The following SOX13 variants were observed in gnomAD, a reference collection of about 807,000 sequenced individuals.
SOX13 encodes the protein transcription factor SOX-13.
A neutral mutation model predicts 71.8 loss-of-function variants in SOX13; 28 were observed. That is an observed-to-expected ratio of 0.39 (90% CI 0.29 to 0.53). SOX13 has a LOEUF of 0.53. Among genes scored for constraint, SOX13 ranks in the 20% least tolerant of loss-of-function variants. The pLI, the probability that SOX13 is intolerant of heterozygous loss-of-function variation, is 0.70. For synonymous variants in SOX13, 309 were observed against 317.8 expected (o/e 0.97, Z 0.29); for missense variants, 627 against 810.3 (o/e 0.77, Z 2.75).
At chr1:204,102,213 G>A (rs1308195703) in intron 1 of SOX13, among the ~76,000 whole-genome samples, 1 of 152,210 alleles carries the variant, frequency 6.6e-6, no homozygotes, top group East Asian at 1.9e-4. Context: ...GCAAAGGTGA[G>A]ATTTCATCAG....
chr1:204,116,765 C>T, intron 5 of SOX13, 86 bp downstream of exon 5: 4 of 1,563,920 alleles, frequency 2.6e-6, no homozygotes, highest in Non-Finnish European at 3.5e-6. Flanking sequence ...GGACAGGCCT[C>T]ACCAGTGCAA....
rs974353776 is a variant in SOX13 at position 204,123,779 on chromosome 1, C to T, written c.1350C>T (p.His450=). ...TCCTGCAAGCCTTCCCAGACATGCA[C>T]AACTCCAGCATCAGCAAGATCCTTG... ...RKILQAFPDM[H]NSSISKILGS... Residue 450 remains histidine, a synonymous_variant, in exon 12 of 14, where the codon CAC becomes CAT. Coordinates refer to ENST00000367204, the MANE Select transcript of SOX13 (RefSeq NM_005686.3). This position sits in a 1 kb window ranked among gnomAD's most constrained non-coding sequence, Gnocchi z 5.0. 13 of 1,614,080 alleles carry T rather than the reference C, an allele frequency of 8.1e-6. No homozygotes were observed. The African/African-American group carries it at 1.2e-4, about 15-fold the overall frequency.
chr1:204,092,902 G>A (rs1330642148), intron 1 of SOX13, among the ~76,000 whole-genome samples: 2 of 34,096 alleles, frequency 5.9e-5, no homozygotes, highest in Non-Finnish European at 9.8e-5. Context: ...CTGTGTTTCC[G>A]CTTCCTAACT....
rs370897434 is a variant in SOX13 at position 204,124,701 on chromosome 1, G to A, written c.1436G>A (p.Arg479Gln). The stretch of plus-strand genomic sequence containing the variant: ...CAGCCCTACTATGAGGAACAGGCGC[G>A]GCTGAGCCGGCAGCACCTGGAGAAG... ...EKQPYYEEQA[R>Q]LSRQHLEKYP... The change falls in exon 13 of 14, where the codon CGG (arginine) becomes CAG (glutamine). Residue 479 changes from arginine (R) to glutamine (Q), a missense_variant. By Grantham distance (43) the Arg-to-Gln change is conservative. Transcript: ENST00000367204. 6.8e-6 allele frequency: 11 copies of A among 1,613,274 alleles called. 1 individual carries two copies. The highest frequency in any genetic ancestry group is 1.3e-5 in the African/African-American group (1 of 74,916).
rs553508682 is a variant in SOX13, at chr1:204,111,063, G to A, written c.-1-1852G>A. Among the ~76,000 whole-genome samples the A allele has an allele frequency of 2.6e-4, 39 of 152,276 alleles. 2 individuals are homozygous for A. In the South Asian group the frequency reaches 7.3e-3, roughly 28 times the overall value. ...TTTGCCTCTCAAACAAGCCCCCAAG[G>A]CATGCTGAAGCTGCTGGTCCTTATA... On this transcript the variant is annotated intron_variant, in intron 1 of 13. Coordinates refer to ENST00000367204, the MANE Select transcript of SOX13 (RefSeq NM_005686.3).
chr1:204,116,655 G>A lies in SOX13; in HGVS notation c.567G>A (p.Glu189=), dbSNP rs371235736. ...MLFEKQQQQM[E]LARQQQEQIA... ...TTGAGAAGCAGCAGCAGCAGATGGA[G>A]CTTGCCCGGCAGCAGCAGGAGCAGG... is the stretch of plus-strand genomic sequence containing the variant. Residue 189 remains glutamate (E), a synonymous_variant, in exon 5 of 14, where the codon GAG becomes GAA. Transcript: ENST00000367204. 734 of 1,613,674 alleles carry A rather than the reference G, an allele frequency of 4.5e-4. No individual in the cohort carries two copies. Among genetic ancestry groups the A allele is most frequent in the Non-Finnish European group, 6.1e-4 (715 of 1,179,806 alleles).
intron 7 of SOX13, chr1:204,119,904 G>A (rs1656768269): frequency 6.6e-6 from 1 of 152,332 alleles, no homozygotes; most frequent in Non-Finnish European, 1.5e-5. Context: ...TACTTGGGAG[G>A]CTGAGGCAGG....
chr1:204,113,156 C>T, intron 2 of SOX13, 22 bp downstream of exon 2: 2 of 1,508,148 alleles, frequency 1.3e-6, no homozygotes. Context: ...CGCCCTGCCT[C>T]CATCCTCACA....
At chr1:204,122,559 C>G (rs1656831295) in intron 9 of SOX13, 160 bp downstream of exon 9, 2 of 630,774 alleles carry the variant, frequency 3.2e-6, no homozygotes, top group African/African-American at 3.7e-5. Context: ...CTTCCTCTCC[C>G]TCATCATATC....
rs1234253825 is a variant in SOX13, at chr1:204,126,078, G to A, written c.1813G>A (p.Glu605Lys). 4 of 1,613,874 alleles carry A rather than the reference G, an allele frequency of 2.5e-6. No individual in the cohort carries two copies. The highest frequency in any genetic ancestry group is 1.3e-5 in the African/African-American group (1 of 74,922). Residue 605 changes from glutamate (E) to lysine (K), a missense_variant, in exon 14 of 14, where the codon GAG (glutamate) becomes AAG (lysine). By Grantham distance (56) the Glu-to-Lys change is moderately conservative. Coordinates refer to ENST00000367204, the MANE Select transcript of SOX13 (RefSeq NM_005686.3). ...CGAGATGTACCGGTACAGCGAGGAC[G>A]AGGACTCGGAGGGCGAAGAGAAGAG... Reference protein sequence around the residue: ...DGEMYRYSEDEDSEGEEKSDG... With the variant: ...DGEMYRYSEDKDSEGEEKSDG...
intron 1 of SOX13, among the ~76,000 whole-genome samples, chr1:204,090,622 G>A (rs545612439): frequency 6.6e-5 from 10 of 152,060 alleles, no homozygotes; most frequent in African/African-American, 1.9e-4. Context: ...TGTTGGCCAG[G>A]CTGGTCTTGA....
chr1:204,089,404 C>T (rs959313413), intron 1 of SOX13, among the ~76,000 whole-genome samples: 4 of 152,142 alleles, frequency 2.6e-5, no homozygotes, highest in East Asian at 1.9e-4. Flanking sequence ...CTCTCATGCC[C>T]GCCGGCCTCA....
intron 1 of SOX13, among the ~76,000 whole-genome samples, chr1:204,091,676 A>C (rs1393612458): frequency 6.6e-6 from 1 of 152,020 alleles, no homozygotes; most frequent in Non-Finnish European, 1.5e-5. Flanking sequence ...TCTGCTTCTG[A>C]GCCCTGTGAT....
chr1:204,102,054 C>T (rs1455367111), intron 1 of SOX13, among the ~76,000 whole-genome samples: 2 of 152,182 alleles, frequency 1.3e-5, no homozygotes, highest in Non-Finnish European at 2.9e-5. Flanking sequence ...CTAGTTAAGA[C>T]GGATGCTGGG....
Position 204,113,140 on chromosome 1 carries a change from T to C in SOX13, c.219+6T>C. ...GGAATTTCAGGGGCTCCTGGGTCAGTGTCCCCGCCCTGCCTCCATCCTCAC... is the reference window on the plus strand; with the variant it reads ...GGAATTTCAGGGGCTCCTGGGTCAGCGTCCCCGCCCTGCCTCCATCCTCAC... On this transcript the variant is annotated splice_donor_region_variant and intron_variant, in intron 2 of 13. Transcript: ENST00000367204. 1 of 1,533,798 alleles carries C rather than the reference T, an allele frequency of 6.5e-7. No homozygotes were observed. The highest frequency in any genetic ancestry group is 8.8e-7 in the Non-Finnish European group (1 of 1,138,478).
intron 1 of SOX13, among the ~76,000 whole-genome samples, chr1:204,093,017 C>G (rs557739742): frequency 6.6e-6 from 1 of 152,224 alleles, no homozygotes; most frequent in South Asian, 2.1e-4. Context: ...CAGGTGTTGG[C>G]TATTTGTTGC....
chr1:204,120,785 A>G (rs868781240), intron 7 of SOX13, among the ~76,000 whole-genome samples: 2 of 152,124 alleles, frequency 1.3e-5, no homozygotes, highest in East Asian at 3.9e-4. Flanking sequence ...CATGATTTCT[A>G]CATGTGGCCT....
At chr1:204,104,772 G>T (rs1656429419) in intron 1 of SOX13, among the ~76,000 whole-genome samples, 1 of 152,238 alleles carries the variant, frequency 6.6e-6, no homozygotes, top group African/African-American at 2.4e-5. Flanking sequence ...CTGTACCCCA[G>T]GGTCTGAGTC....
intron 7 of SOX13, among the ~76,000 whole-genome samples, chr1:204,120,695 C>T (rs903345952): frequency 3.9e-5 from 6 of 152,226 alleles, no homozygotes; most frequent in African/African-American, 1.4e-4. Context: ...CCACAGGGAG[C>T]CTGCTCTAGT....
Sources: gnomAD v4.1 joint callset for allele counts (sites outside exome capture counted in the v4.1 genomes callset) on GRCh38, gnomAD v4.1.1 for gene constraint, Gnocchi (gnomAD v3.1) non-coding constraint, MANE v1.5 for transcripts, NCBI Gene and HGNC (gene_info 2026-07-23, HGNC 2026-07-21) for gene names.